Variants in PACS2 observed in about 807,000 individuals in gnomAD.
The protein encoded by PACS2 is PACS1-like protein.
PACS2 carries 36 observed loss-of-function variants against 113.0 expected under a neutral mutation model. The observed-to-expected ratio is 0.32, with a 90% CI of 0.24 to 0.42. The LOEUF (loss-of-function observed/expected upper bound fraction) is 0.42. Among genes scored for constraint, PACS2 ranks in the 10% least tolerant of loss-of-function variants. The pLI is 1.00. For synonymous variants in PACS2, 589 were observed against 536.1 expected (o/e 1.10, Z -1.36); for missense variants, 1,015 against 1,239.5 (o/e 0.82, Z 2.72).
chr14:105,394,655 T>TC lies in PACS2; in HGVS notation c.2700dup (p.Lys901GlnfsTer19). 3 of 1,612,180 alleles carry TC rather than the reference T, an allele frequency of 1.9e-6. No individual in the cohort carries two copies. The highest frequency in any genetic ancestry group is 1.7e-6 in the Non-Finnish European group (2 of 1,178,898). ...CTTCCCCATCTGCATCTTCGGACAC[T>TC]CCAAGGCCACCTTCTAGCCCCACCC... On this transcript the variant is annotated frameshift_variant, in exon 25 of 25. Transcript: ENST00000447393. LOFTEE classifies it high-confidence loss of function.
In PACS2 at chr14:105,391,449, G is replaced by A. The variant is rs376898545; in HGVS notation, c.2120-182G>A. On this transcript the variant is annotated intron_variant, in intron 21 of 24. Transcript: ENST00000447393. The stretch of plus-strand genomic sequence containing the variant: ...CAAAGCCCCACATCAAGGCTGGCAG[G>A]GTTGTCTTCCAAAAACCGAGGAGAA... 148 of 672,734 alleles carry A rather than the reference G, an allele frequency of 2.2e-4. 1 individual carries two copies. Among genetic ancestry groups the A allele is most frequent in the African/African-American group, 2.2e-3 (121 of 55,494 alleles). The allele number at this position is 672,734 out of a possible 1,614,324, so 41.7% of individuals were successfully genotyped here.
At chr14:105,350,082 A>ACCCCGAGAACTTCCAGGAGAGCG (rs1566928394) in intron 2 of PACS2, among the ~76,000 whole-genome samples, 1 of 149,702 alleles carries the variant, frequency 6.7e-6, no homozygotes, top group Admixed American at 6.7e-5. Flanking sequence ...TGATAGCAGG[A>ACCCCGAGAACTTCCAGGAGAGCG]TGGAAGCGTC....
intron 1 of PACS2, among the ~76,000 whole-genome samples, chr14:105,347,859 G>A (rs76068730): frequency 6.6e-6 from 1 of 152,160 alleles, no homozygotes; most frequent in African/African-American, 2.4e-5. Context: ...ATGTTCACAC[G>A]GGGCAGCACT....
rs782323038 is a variant in PACS2 at position 105,394,601 on chromosome 14, G to A, written c.2644G>A (p.Ala882Thr). Reference sequence around the variant, plus strand: ...CAGCGACGTCAAGTTCTTCCAGCTGGCCGCGCAGTGGTCCTCGCACGTGAA... The same window carrying A: ...CAGCGACGTCAAGTTCTTCCAGCTGACCGCGCAGTGGTCCTCGCACGTGAA... Reference protein sequence around the residue: ...ECSDVKFFQLAAQWSSHVKHF... With the variant: ...ECSDVKFFQLTAQWSSHVKHF... The change falls in exon 25 of 25, where the codon GCC (alanine) becomes ACC (threonine). Residue 882 changes from alanine to threonine, a missense_variant. This residue lies in a region of PACS2 where 859 missense variants were observed against 1,056.8 expected (regional missense o/e 0.81). Transcript: ENST00000447393. 3 of 1,613,460 alleles carry A rather than the reference G, an allele frequency of 1.9e-6. No homozygotes were observed. The highest frequency in any genetic ancestry group is 1.1e-5 in the South Asian group (1 of 91,078).
intron 19 of PACS2, among the ~76,000 whole-genome samples, chr14:105,386,550 C>G (rs1274656961): frequency 8.5e-5 from 13 of 152,194 alleles, no homozygotes; most frequent in African/African-American, 3.1e-4. Flanking sequence ...TTTCCTTGGC[C>G]AGGTGTGTCC....
Position 105,389,552 on chromosome 14 carries a change from C to G in PACS2, c.2034-409C>G, listed in dbSNP as rs587703991. Reference sequence around the variant, plus strand: ...CCAGGGCACTGGCAGCTGCCCTAACCCCAGCAGAGCAGGGGTGCCCAGCTT... The same window carrying G: ...CCAGGGCACTGGCAGCTGCCCTAACGCCAGCAGAGCAGGGGTGCCCAGCTT... On this transcript the variant is annotated intron_variant, in intron 19 of 24. Coordinates refer to ENST00000447393, the MANE Select transcript of PACS2 (RefSeq NM_001100913.3). 1.2e-4 allele frequency: 27 copies of G among 230,100 alleles called. 1 individual carries two copies. The South Asian group carries it at 2.0e-3, about 17-fold the overall frequency. The allele number at this position is 230,100 out of a possible 1,614,324, so 14.3% of individuals were successfully genotyped here.
upstream of PACS2, among the ~76,000 whole-genome samples, chr14:105,313,930 A>G (rs1267545010): frequency 6.6e-6 from 1 of 152,212 alleles, no homozygotes; most frequent in African/African-American, 2.4e-5. Context: ...TGGGTCCCCA[A>G]GTTCACTGTT....
chr14:105,320,700 G>A (rs968849716), intron 1 of PACS2, among the ~76,000 whole-genome samples: 3 of 152,198 alleles, frequency 2.0e-5, no homozygotes, highest in African/African-American at 7.2e-5. Flanking sequence ...TGTGTCTGGG[G>A]TCTATGTGCT....
chr14:105,355,031 C>T lies in PACS2; in HGVS notation c.298-21C>T, dbSNP rs1555405057. On this transcript the variant is annotated intron_variant, in intron 3 of 24. Transcript: ENST00000447393. The surrounding 1 kb of genome is among the most constrained non-coding windows in gnomAD (Gnocchi z 4.1). ...GGGGCCCCGGTGCACCCTCAGCTGC[C>T]ACTCGCACTTGTGCCCACAGTATCC... The T allele has an allele frequency of 6.2e-7, 1 of 1,610,506 alleles. No homozygotes were observed. The highest frequency in any genetic ancestry group is 8.5e-7 in the Non-Finnish European group (1 of 1,178,604).
intron 1 of PACS2, among the ~76,000 whole-genome samples, chr14:105,316,486 G>A (rs587767550): frequency 1.3e-5 from 2 of 152,356 alleles, no homozygotes; most frequent in South Asian, 2.1e-4. Context: ...CATGCGGGCT[G>A]TTGGCGCTCC....
chr14:105,355,173 C>G lies in PACS2; in HGVS notation c.419C>G (p.Ala140Gly). ...CTGGCCGCGGGCTCCATCAGCATGG[C>G]TGAGGTGAGTGCTCCGTCTGGCGTG... ...KTLAAGSISM[A>G]EVMQHPSEGG... Residue 140 changes from alanine to glycine, a missense_variant, in exon 4 of 25, where the codon GCT (alanine) becomes GGT (glycine). By Grantham distance (60) the Ala-to-Gly change is moderately conservative. This residue lies in a region of PACS2 where 16 missense variants were observed against 47.6 expected (regional missense o/e 0.34). Transcript: ENST00000447393. This position sits in a 1 kb window ranked among gnomAD's most constrained non-coding sequence, Gnocchi z 4.1. The G allele has an allele frequency of 6.2e-7, 1 of 1,613,006 alleles. No individual in the cohort carries two copies. The highest frequency in any genetic ancestry group is 8.5e-7 in the Non-Finnish European group (1 of 1,179,796).
Position 105,383,484 on chromosome 14 carries a change from G to A in PACS2, c.1751G>A (p.Gly584Asp). 6.2e-7 allele frequency: 1 copy of A among 1,602,610 alleles called. No individual in the cohort carries two copies. The highest frequency in any genetic ancestry group is 2.2e-5 in the East Asian group (1 of 44,706). Residue 584 changes from glycine (G) to aspartate (D), a missense_variant, in exon 16 of 25, where the codon GGC becomes GAC. By Grantham distance (94) the Gly-to-Asp change is moderately conservative. Transcript: ENST00000447393. ...TCCCACAAGACACCCGACTGGCTCG[G>A]CTACATGCGCTTCCTGGTCATCCCA... ...QLSHKTPDWL[G>D]YMRFLVIPLG...
intron 2 of PACS2, among the ~76,000 whole-genome samples, chr14:105,349,356 G>A (rs928801029): frequency 4.6e-5 from 7 of 152,222 alleles, no homozygotes; most frequent in Non-Finnish European, 7.4e-5. Flanking sequence ...CTGTGTGGCC[G>A]TCCAGCGTGA....
At chr14:105,351,930 G>A (rs781831890) in intron 2 of PACS2, among the ~76,000 whole-genome samples, 2 of 152,390 alleles carry the variant, frequency 1.3e-5, no homozygotes, top group Middle Eastern at 6.8e-3. Flanking sequence ...GGCTGAGGCA[G>A]GAGGATTGCT....
chr14:105,391,175 G>T, intron 20 of PACS2, 32 bp from the exon 21 acceptor site: 3 of 1,594,902 alleles, frequency 1.9e-6, no homozygotes, highest in Non-Finnish European at 2.6e-6. Context: ...GAATTGCACG[G>T]CTTTCACCAG....
At chr14:105,368,218 A>G (rs1402065962) in intron 6 of PACS2, 71 bp downstream of exon 6, 3 of 1,093,156 alleles carry the variant, frequency 2.7e-6, no homozygotes, top group Non-Finnish European at 4.1e-6. Context: ...TGGGGTCCTC[A>G]CCAGCTGTCA....
At chr14:105,391,903 A>G in intron 22 of PACS2, 137 bp downstream of exon 22, 1 of 901,972 alleles carries the variant, frequency 1.1e-6, no homozygotes. Flanking sequence ...GGGGCTCTGC[A>G]GGACGGCTGG....
chr14:105,307,516 G>A (rs2058224856), intron 1 of PACS2, among the ~76,000 whole-genome samples: 1 of 152,108 alleles, frequency 6.6e-6, no homozygotes, highest in Admixed American at 6.6e-5. Flanking sequence ...GGAACTGTGA[G>A]TAATAAACTC....
Position 105,376,952 on chromosome 14 carries a change from G to T in PACS2, c.959+27G>T. The T allele has an allele frequency of 6.4e-7, 1 of 1,562,222 alleles. No homozygotes were observed. The highest frequency in any genetic ancestry group is 8.7e-7 in the Non-Finnish European group (1 of 1,152,056). On this transcript the variant is annotated intron_variant, in intron 9 of 24. Coordinates refer to ENST00000447393, the MANE Select transcript of PACS2 (RefSeq NM_001100913.3). The surrounding 1 kb of genome is among the most constrained non-coding windows in gnomAD (Gnocchi z 4.7). Reference sequence around the variant, plus strand: ...TGAGCCCTACAGGGCGGGGCGGGGAGGAACAGCCATTTCAGATGCCCCGGC... The same window carrying T: ...TGAGCCCTACAGGGCGGGGCGGGGATGAACAGCCATTTCAGATGCCCCGGC...
Sources: allele counts gnomAD v4.1 joint callset (sites outside exome capture counted in the v4.1 genomes callset), GRCh38; gene constraint gnomAD v4.1.1; regional missense constraint gnomAD v4.1.1; non-coding constraint Gnocchi (gnomAD v3.1); transcripts MANE v1.5; gene names NCBI Gene and HGNC (gene_info 2026-07-23, HGNC 2026-07-21).